Variants in PPFIA3 observed in about 807,000 individuals in gnomAD.
The protein encoded by PPFIA3 is liprin-alpha-3.
In PPFIA3, 26 loss-of-function variants were observed where a neutral mutation model predicts 145.8. The ratio of observed to expected loss-of-function variants is 0.18; its 90% CI spans 0.13 to 0.25. The LOEUF is 0.25. PPFIA3 is among the 10% of genes least tolerant of loss of function. PPFIA3 has a pLI of 1.00. For missense variants in PPFIA3, 1,008 were observed against 1,587.8 expected (o/e 0.63, Z 6.21); for synonymous variants, 645 against 661.4 (o/e 0.98, Z 0.38).
chr19:49,147,461 G>A (rs1276011593), intron 23 of PPFIA3, among the ~76,000 whole-genome samples: 1 of 151,952 alleles, frequency 6.6e-6, no homozygotes, highest in South Asian at 2.1e-4. Flanking sequence ...TGAGGTGGGC[G>A]GATCCCTTGA....
chr19:49,129,243 C>G, intron 4 of PPFIA3, 137 bp from the exon 5 acceptor site: 1 of 1,008,772 alleles, frequency 9.9e-7, no homozygotes, highest in South Asian at 1.7e-5. Flanking sequence ...TAGCTGGTTG[C>G]GGCTGCATAC....
Position 49,149,745 on chromosome 19 carries a change from C to T in PPFIA3, c.3526+27C>T. On this transcript the variant is annotated intron_variant, in intron 28 of 29. Coordinates refer to ENST00000334186, the MANE Select transcript of PPFIA3 (RefSeq NM_003660.4). The surrounding 1 kb of genome is among the most constrained non-coding windows in gnomAD (Gnocchi z 5.7). Reference sequence around the variant, plus strand: ...TGGGGGGCTCCCAAATGCGACAGCCCTTCCTCGCTTCCCTAGGGTGGGGCA... The same window carrying T: ...TGGGGGGCTCCCAAATGCGACAGCCTTTCCTCGCTTCCCTAGGGTGGGGCA... 6.3e-7 allele frequency: 1 copy of T among 1,578,542 alleles called. No individual in the cohort carries two copies. The highest frequency in any genetic ancestry group is 8.6e-7 in the Non-Finnish European group (1 of 1,164,436).
Position 49,127,868 on chromosome 19 carries a change from G to A in PPFIA3, c.-6G>A. ...CCTCCCCGCCCCGCAGGCCCGCACC[G>A]CCGCCATGATGTGCGAGGTGATGCC... is the stretch of plus-strand genomic sequence containing the variant. On this transcript the variant is annotated 5_prime_UTR_variant, in exon 2 of 30. Transcript: ENST00000334186. 2 of 1,590,494 alleles carry A rather than the reference G, an allele frequency of 1.3e-6. No individual in the cohort carries two copies. Among genetic ancestry groups the A allele is most frequent in the Admixed American group, 1.7e-5 (1 of 58,354 alleles).
chr19:49,129,252 A>G (rs1600328678), intron 4 of PPFIA3, 128 bp from the exon 5 acceptor site: 1 of 1,051,796 alleles, frequency 9.5e-7, no homozygotes, highest in Non-Finnish European at 1.3e-6. Context: ...GCGGCTGCAT[A>G]CCCGTTATGG....
intron 7 of PPFIA3, among the ~76,000 whole-genome samples, chr19:49,131,004 G>GGCACCTGCCACCAT (rs1555742914): frequency 6.7e-6 from 1 of 149,642 alleles, no homozygotes. Context: ...TAGAACTACA[G>GGCACCTGCCACCAT]GCACCTGCCA....
At position 49,149,295 on chromosome 19, in the gene PPFIA3, C is replaced by T. The variant is rs747647300; in HGVS notation, c.3324C>T (p.Ile1108=). The T allele has an allele frequency of 6.2e-7, 1 of 1,614,190 alleles. No individual in the cohort carries two copies. Among genetic ancestry groups the T allele is most frequent in the Admixed American group, 1.7e-5 (1 of 60,026 alleles). ...TGGAGAAGGAATTCAGCAACCTTAT[C>T]TCCTTAGGCACAGACAGGCGGCTGG... is the stretch of plus-strand genomic sequence containing the variant. ...QLLEKEFSNL[I]SLGTDRRLDE... is the part of the protein sequence containing the mutation. The change falls in exon 27 of 30, where the codon ATC becomes ATT. Residue 1108 remains isoleucine, a synonymous_variant. Transcript: ENST00000334186. This position sits in a 1 kb window ranked among gnomAD's most constrained non-coding sequence, Gnocchi z 5.7.
At chr19:49,127,109 C>G (rs2041008214) in intron 1 of PPFIA3, among the ~76,000 whole-genome samples, 1 of 145,654 alleles carries the variant, frequency 6.9e-6, no homozygotes, top group South Asian at 2.1e-4. Context: ...AAAGGTCAGG[C>G]GCGGTGGCTC....
intron 14 of PPFIA3, among the ~76,000 whole-genome samples, chr19:49,136,189 G>A (rs2041135016): frequency 6.6e-6 from 1 of 152,166 alleles, no homozygotes; most frequent in African/African-American, 2.4e-5. Context: ...GTGGGGTTAG[G>A]TGAGGAACAG....
chr19:49,146,079 T>C (rs574367735), intron 22 of PPFIA3, 74 bp downstream of exon 22: 42 of 1,606,602 alleles, frequency 2.6e-5, no homozygotes, highest in Non-Finnish European at 3.3e-5. Context: ...ACCGAGTCTG[T>C]GGCCATCCCT....
chr19:49,127,932 G>A lies in PPFIA3; in HGVS notation c.59G>A (p.Gly20Asp). The change falls in exon 2 of 30, where the codon GGC (glycine) becomes GAC (aspartate). Residue 20 changes from glycine (G) to aspartate (D), a missense_variant. Coordinates refer to ENST00000334186, the MANE Select transcript of PPFIA3 (RefSeq NM_003660.4). ...GATGGCCGGCGGGGCTCGGCGCTGG[G>A]CCCGGACGAGGCGGGCGGGGAGCTG... ...SEDGRRGSAL[G>D]PDEAGGELER... 6.3e-7 allele frequency: 1 copy of A among 1,594,068 alleles called. No individual in the cohort carries two copies. Among genetic ancestry groups the A allele is most frequent in the Non-Finnish European group, 8.5e-7 (1 of 1,177,828 alleles).
intron 23 of PPFIA3, among the ~76,000 whole-genome samples, chr19:49,147,273 G>A (rs1049250441): frequency 1.3e-5 from 2 of 152,088 alleles, no homozygotes; most frequent in Non-Finnish European, 2.9e-5. Flanking sequence ...AATTTAATGT[G>A]TAGTGGGGTG....
At position 49,149,609 on chromosome 19, in the gene PPFIA3, C is replaced by T. The variant is rs771923768; in HGVS notation, c.3417C>T (p.Leu1139=). ...SWRKMFREKD[L]RGVTPDSAEM... Reference sequence around the variant, plus strand: ...GGAAGATGTTCCGGGAGAAGGACCTCCGAGGCGTAACTCCCGACTCAGCTG... The same window carrying T: ...GGAAGATGTTCCGGGAGAAGGACCTTCGAGGCGTAACTCCCGACTCAGCTG... Residue 1139 remains leucine (L), a synonymous_variant, in exon 28 of 30, where the codon CTC becomes CTT. Transcript: ENST00000334186. This position sits in a 1 kb window ranked among gnomAD's most constrained non-coding sequence, Gnocchi z 5.7. 21 of 1,614,234 alleles carry T rather than the reference C, an allele frequency of 1.3e-5. No homozygotes were observed. The Middle Eastern group carries it at 6.6e-4, about 51-fold the overall frequency.
In PPFIA3 at chr19:49,136,759, AC is replaced by A; in HGVS notation, c.1706del (p.Pro569HisfsTer51). ...GGTCTGCCCCTGCGGGCTCCATACC[AC>A]CCCCATTCCCTGGGGAACTGGACGG... ...ERSAPAGSIP[P>X]PFPGELDGSD... On this transcript the variant is annotated frameshift_variant, in exon 15 of 30. Transcript: ENST00000334186. LOFTEE classifies it high-confidence loss of function. 6.4e-7 allele frequency: 1 copy of A among 1,572,674 alleles called. No individual in the cohort carries two copies.
At chr19:49,141,316 C>A in intron 18 of PPFIA3, 104 bp from the exon 19 acceptor site, 1 of 799,194 alleles carries the variant, frequency 1.3e-6, no homozygotes, top group Non-Finnish European at 2.1e-6. Flanking sequence ...CTCACTACTC[C>A]CTCAGGGCCT....
At chr19:49,142,688 G>A in intron 20 of PPFIA3, 116 bp from the exon 21 acceptor site, 1 of 850,736 alleles carries the variant, frequency 1.2e-6, no homozygotes, top group South Asian at 1.6e-5. Context: ...ACTTTCCCAC[G>A]TCTCTGTTTC....
Position 49,149,188 on chromosome 19 carries a change from G to C in PPFIA3, c.3285+20G>C. On this transcript the variant is annotated intron_variant, in intron 26 of 29. Transcript: ENST00000334186. The surrounding 1 kb of genome is among the most constrained non-coding windows in gnomAD (Gnocchi z 5.7). ...GCACAGGTGAGCTGCCGCTGGGCCCGGAGCATGCTGGGCGTCCCCACCTCG... is the reference window on the plus strand; with the variant it reads ...GCACAGGTGAGCTGCCGCTGGGCCCCGAGCATGCTGGGCGTCCCCACCTCG... 1 of 1,613,756 alleles carries C rather than the reference G, an allele frequency of 6.2e-7. No homozygotes were observed. Among genetic ancestry groups the C allele is most frequent in the East Asian group, 2.2e-5 (1 of 44,874 alleles).
At chr19:49,145,673 C>A (rs2041271858) in intron 21 of PPFIA3, 1 of 500,466 alleles carries the variant, frequency 2.0e-6, no homozygotes. Flanking sequence ...TGTGTGAGGT[C>A]AGCGAGGTGA....
chr19:49,148,298 G>A lies in PPFIA3; in HGVS notation c.3011+40G>A, dbSNP rs569827799. On this transcript the variant is annotated intron_variant, in intron 24 of 29. Transcript: ENST00000334186. ...GCCAGTGGGGACAGTCCAAAGGGAA[G>A]CCCCACCCCAGAGAGTCTTTGGCCA... The A allele has an allele frequency of 1.8e-5, 29 of 1,584,564 alleles. No homozygotes were observed. In the East Asian group the frequency reaches 5.6e-4, roughly 31 times the overall value.
chr19:49,124,576 G>C (rs1443395034), intron 1 of PPFIA3, among the ~76,000 whole-genome samples: 2 of 152,188 alleles, frequency 1.3e-5, no homozygotes, highest in African/African-American at 2.4e-5. Flanking sequence ...TTAGGCCTAT[G>C]AGCGGTTCTT....
Sources: gnomAD v4.1 joint callset for allele counts (sites outside exome capture counted in the v4.1 genomes callset) on GRCh38, gnomAD v4.1.1 for gene constraint, Gnocchi (gnomAD v3.1) non-coding constraint, MANE v1.5 for transcripts, NCBI Gene and HGNC (gene_info 2026-07-23, HGNC 2026-07-21) for gene names.